The following VPS50 variants were observed in gnomAD, a reference collection of about 807,000 sequenced individuals.
The protein encoded by VPS50 is VPS50 subunit of EARP/GARPII complex, also known as syndetin.
VPS50 carries 70 observed loss-of-function variants against 139.7 expected under a neutral mutation model. The observed-to-expected ratio is 0.50, with a 90% confidence interval of 0.41 to 0.61. The LOEUF is 0.61. Among genes scored for constraint, VPS50 ranks in the 20% least tolerant of loss-of-function variants. The probability of loss-of-function intolerance (pLI) is 0.00; values close to 1 mark genes in which losing one functional copy is unlikely to be tolerated. For synonymous variants in VPS50, 365 were observed against 376.7 expected (o/e 0.97, Z 0.36); for missense variants, 921 against 1,133.7 (o/e 0.81, Z 2.69).
At chr7:93,331,745 C>T (rs1379572874) in intron 21 of VPS50, among the ~76,000 whole-genome samples, 1 of 151,992 alleles carries the variant, frequency 6.6e-6, no homozygotes, top group Non-Finnish European at 1.5e-5. Context: ...AATGGGCTTC[C>T]TCATGGTTAA....
intron 20 of VPS50, chr7:93,321,025 GT>G (rs2117015314): frequency 6.6e-6 from 1 of 152,280 alleles, no homozygotes; most frequent in Admixed American, 6.5e-5. Flanking sequence ...CTGGCTGCTT[GT>G]TTTTGTAAAT....
At chr7:93,278,298 C>T (rs977528514) in intron 12 of VPS50, among the ~76,000 whole-genome samples, 1 of 151,954 alleles carries the variant, frequency 6.6e-6, no homozygotes, top group Admixed American at 6.6e-5. Context: ...GAGTTTCTTT[C>T]ACTTTTTAAA....
intron 1 of VPS50, among the ~76,000 whole-genome samples, chr7:93,239,651 CTT>C (rs1794919802): frequency 6.6e-6 from 1 of 152,078 alleles, no homozygotes; most frequent in African/African-American, 2.4e-5. Flanking sequence ...GTATAATACT[CTT>C]TTATTTTAAA....
chr7:93,351,742 T>C (rs1394332657), intron 25 of VPS50, among the ~76,000 whole-genome samples: 4 of 152,086 alleles, frequency 2.6e-5, no homozygotes, highest in African/African-American at 9.7e-5. Flanking sequence ...TTTCAACATA[T>C]GAATTTAGGG....
intron 21 of VPS50, among the ~76,000 whole-genome samples, chr7:93,324,848 C>T (rs150582822): frequency 0.043 from 6,568 of 152,182 alleles, 479 homozygotes; most frequent in African/African-American, 0.15. Context: ...GAATCAATAT[C>T]GTGAAAATGG....
In VPS50 at chr7:93,303,549, A is replaced by G. The variant is rs1797037853; in HGVS notation, c.1451A>G (p.His484Arg). ...VKSNFSILQL[H>R]EFKFMEQSRS... ...TCAAATTTCAGCATCTTGCAACTTCATGTAAGTGTTTCTTAAGAACAAAGA... is the reference window on the plus strand; with the variant it reads ...TCAAATTTCAGCATCTTGCAACTTCGTGTAAGTGTTTCTTAAGAACAAAGA... The change falls in exon 17 of 28, where the codon CAT (histidine) becomes CGT (arginine). Residue 484 changes from histidine (H) to arginine (R), a missense_variant and splice_region_variant. Transcript: ENST00000305866. 1 of 1,433,400 alleles carries G rather than the reference A, an allele frequency of 7.0e-7. No individual in the cohort carries two copies. The highest frequency in any genetic ancestry group is 9.7e-7 in the Non-Finnish European group (1 of 1,028,460). 88.8% of individuals were successfully genotyped at this position (1,433,400 alleles called of 1,614,324 possible).
At chr7:93,288,347 T>C (rs1030383334) in intron 12 of VPS50, among the ~76,000 whole-genome samples, 1 of 152,174 alleles carries the variant, frequency 6.6e-6, no homozygotes, top group Non-Finnish European at 1.5e-5. Flanking sequence ...AGTACTCTTT[T>C]GTATGTATGA....
chr7:93,281,884 A>G (rs1796337356), intron 12 of VPS50, among the ~76,000 whole-genome samples: 1 of 152,184 alleles, frequency 6.6e-6, no homozygotes, highest in Non-Finnish European at 1.5e-5. Context: ...ACTGTTTTAT[A>G]ACTTTTTTGC....
rs576918712 is a variant in VPS50, at chr7:93,296,805, G to C, written c.1231G>C (p.Asp411His). Residue 411 changes from aspartate (D) to histidine (H), a missense_variant, in exon 15 of 28, where the codon GAT (aspartate) becomes CAT (histidine). Physicochemically the swap from Asp to His is moderately conservative, Grantham distance 81. Coordinates refer to ENST00000305866, the MANE Select transcript of VPS50 (RefSeq NM_017667.4). ...TGATTTGTCTATATTCAAATATGAT[G>C]ATTTCATCTTTGTTTTGGATATAAT... ...GTDLSIFKYDDFIFVLDIISR... is the reference protein window; with the variant it reads ...GTDLSIFKYDHFIFVLDIISR... 29 of 1,603,824 alleles carry C rather than the reference G, an allele frequency of 1.8e-5. No homozygotes were observed. In the South Asian group the frequency reaches 2.9e-4, roughly 16 times the overall value.
chr7:93,343,274 G>T (rs529058972), intron 23 of VPS50, among the ~76,000 whole-genome samples: 3 of 152,064 alleles, frequency 2.0e-5, no homozygotes, highest in African/African-American at 7.3e-5. Context: ...GAGAAGGGAA[G>T]TTTAGAGAAA....
intron 16 of VPS50, among the ~76,000 whole-genome samples, chr7:93,299,061 A>G (rs901824441): frequency 6.6e-6 from 1 of 152,164 alleles, no homozygotes; most frequent in Non-Finnish European, 1.5e-5. Context: ...CAGGTTAAAC[A>G]GCAAAAATTT....
rs1455843305 is a variant in VPS50, at chr7:93,337,973, C to G, written c.2059-3454C>G. Among the ~76,000 whole-genome samples, 3 of 152,148 alleles carry G rather than the reference C, an allele frequency of 2.0e-5. No individual in the cohort carries two copies. The East Asian group carries it at 5.8e-4, about 29-fold the overall frequency. ...TTTTCTGTTATTTATATTTCTACCT[C>G]TTTTGGACCACTTTGAGTAGCCACC... On this transcript the variant is annotated intron_variant, in intron 22 of 27. Transcript: ENST00000305866.
chr7:93,317,877 C>A (rs1177751059), intron 20 of VPS50, among the ~76,000 whole-genome samples: 1 of 151,956 alleles, frequency 6.6e-6, no homozygotes, highest in Non-Finnish European at 1.5e-5. Flanking sequence ...TTATAGAGTT[C>A]ATTGAAGTCA....
At chr7:93,346,674 A>G (rs1406968628) in intron 23 of VPS50, among the ~76,000 whole-genome samples, 35 of 146,782 alleles carry the variant, frequency 2.4e-4, no homozygotes, top group Non-Finnish European at 3.6e-4. Flanking sequence ...AACACCACAT[A>G]TCTACAACTA....
At chr7:93,339,898 C>A (rs1240130142) in intron 22 of VPS50, among the ~76,000 whole-genome samples, 1 of 151,610 alleles carries the variant, frequency 6.6e-6, no homozygotes, top group African/African-American at 2.4e-5. Flanking sequence ...TATTTTTTTT[C>A]TTTTTGTAAA....
intron 2 of VPS50, among the ~76,000 whole-genome samples, chr7:93,250,088 T>A (rs1795276519): frequency 6.6e-6 from 1 of 152,098 alleles, no homozygotes; most frequent in Admixed American, 6.6e-5. Flanking sequence ...TTTTTCTCGG[T>A]GTATTTTATG....
chr7:93,301,080 A>C (rs1796960724), intron 16 of VPS50, among the ~76,000 whole-genome samples: 1 of 152,100 alleles, frequency 6.6e-6, no homozygotes, highest in South Asian at 2.1e-4. Flanking sequence ...GTGGATCACG[A>C]GGTCAAGAGT....
rs1212173208 is a variant in VPS50 at position 93,359,600 on chromosome 7, G to A, written c.*1164G>A. The stretch of plus-strand genomic sequence containing the variant: ...TGACTGGAGAGTGGAGGACATCTAA[G>A]CTTGTGTGGCATTGGTCCAATGATT... On this transcript the variant is annotated 3_prime_UTR_variant, in exon 28 of 28. Transcript: ENST00000305866. 29 of 152,086 alleles carry A rather than the reference G, an allele frequency of 1.9e-4. No individual in the cohort carries two copies. Among genetic ancestry groups the A allele is most frequent in the Admixed American group, 1.9e-3 (29 of 15,238 alleles). The allele number at this position is 152,086 out of a possible 1,614,324, so 9.4% of individuals were successfully genotyped here.
chr7:93,308,514 GA>G (rs776177827), intron 18 of VPS50, among the ~76,000 whole-genome samples: 3 of 150,468 alleles, frequency 2.0e-5, no homozygotes, highest in African/African-American at 2.4e-5. Context: ...GAGACTTTAA[GA>G]AAAAAAAATG....
Sources: gnomAD v4.1 joint callset for allele counts (sites outside exome capture counted in the v4.1 genomes callset) on GRCh38, gnomAD v4.1.1 for gene constraint, MANE v1.5 for transcripts, NCBI Gene and HGNC (gene_info 2026-07-23, HGNC 2026-07-21) for gene names.